Variants in PTPRD observed in about 807,000 individuals in gnomAD.
The protein encoded by PTPRD is protein tyrosine phosphatase receptor type D.
PTPRD carries 34 observed loss-of-function variants against 214.5 expected under a neutral mutation model. The observed-to-expected ratio is 0.16, with a 90% CI of 0.12 to 0.21. The LOEUF is 0.21. PTPRD is among the 10% of genes least tolerant of loss of function. The pLI is 1.00. For synonymous variants in PTPRD, 1,128 were observed against 845.7 expected, an observed-to-expected ratio of 1.33 and a Z score of -5.79; for missense variants, 2,545 against 2,398.7, an observed-to-expected ratio of 1.06 and a Z score of -1.27.
chr9:8,558,646 C>G (rs913263608), intron 14 of PTPRD, among the ~76,000 whole-genome samples: 1 of 152,184 alleles, frequency 6.6e-6, no homozygotes, highest in Non-Finnish European at 1.5e-5. Context: ...AGTCAACGGG[C>G]TTGGGCTATT....
chr9:9,808,903 T>C (rs2046271543), intron 5 of PTPRD, among the ~76,000 whole-genome samples: 1 of 152,028 alleles, frequency 6.6e-6, no homozygotes, highest in African/African-American at 2.4e-5. Flanking sequence ...CCTGAGCATC[T>C]AAGCCTAATG....
intron 11 of PTPRD, among the ~76,000 whole-genome samples, chr9:8,840,535 A>G (rs1453669621): frequency 3.3e-5 from 5 of 152,170 alleles, no homozygotes; most frequent in Non-Finnish European, 5.9e-5. Flanking sequence ...GGACTAATAC[A>G]ATATTTTCTT....
chr9:8,360,980 G>T (rs560419762), intron 39 of PTPRD, among the ~76,000 whole-genome samples: 1 of 152,242 alleles, frequency 6.6e-6, no homozygotes, highest in East Asian at 1.9e-4. Context: ...TATTGATGAG[G>T]TATCCCAAAT....
chr9:10,203,854 C>A (rs929159078), intron 3 of PTPRD, among the ~76,000 whole-genome samples: 1 of 152,042 alleles, frequency 6.6e-6, no homozygotes, highest in Non-Finnish European at 1.5e-5. Context: ...TTAGATCACA[C>A]CATGATTTTC....
rs536337715 is a variant in PTPRD, at chr9:8,969,463, G to C, written c.-104+49234C>G. Among the ~76,000 whole-genome samples, 6 of 152,086 alleles carry C rather than the reference G, an allele frequency of 3.9e-5. No homozygotes were observed. In the South Asian group the frequency reaches 1.2e-3, roughly 32 times the overall value. ...TTGTTTGTGTTATTGAAGAGTTAGA[G>C]CTTGCTAGGTAAATGTAATAGTTTC... On this transcript the variant is annotated intron_variant, in intron 11 of 45. Coordinates refer to ENST00000381196, the MANE Select transcript of PTPRD (RefSeq NM_002839.4).
intron 36 of PTPRD, among the ~76,000 whole-genome samples, chr9:8,401,745 G>A (rs1310965816): frequency 6.6e-6 from 1 of 152,118 alleles, no homozygotes; most frequent in Middle Eastern, 3.4e-3. Context: ...AATCACTGCG[G>A]CCACTTCCAG....
chr9:9,706,844 C>T (rs922975065), intron 7 of PTPRD, among the ~76,000 whole-genome samples: 2 of 151,748 alleles, frequency 1.3e-5, no homozygotes, highest in South Asian at 2.1e-4. Context: ...GGGAATGGGG[C>T]GAGGTAGGTA....
intron 7 of PTPRD, among the ~76,000 whole-genome samples, chr9:9,689,578 G>C (rs1234153859): frequency 6.6e-6 from 1 of 151,512 alleles, no homozygotes; most frequent in Non-Finnish European, 1.5e-5. Flanking sequence ...ATCGATACTA[G>C]GACTTATTTT....
chr9:9,327,807 C>T (rs576726523), intron 9 of PTPRD, among the ~76,000 whole-genome samples: 4 of 151,658 alleles, frequency 2.6e-5, no homozygotes, highest in Admixed American at 2.0e-4. Context: ...ATGTACATCA[C>T]GGGTGTCCAA....
chr9:10,470,119 G>A (rs1012099290), intron 2 of PTPRD, among the ~76,000 whole-genome samples: 8 of 152,030 alleles, frequency 5.3e-5, no homozygotes, highest in African/African-American at 1.9e-4. Flanking sequence ...AGAAGATATG[G>A]AATAGTCCCA....
chr9:10,132,794 G>C (rs551040343), intron 3 of PTPRD, among the ~76,000 whole-genome samples: 1 of 152,264 alleles, frequency 6.6e-6, no homozygotes, highest in Admixed American at 6.5e-5. Context: ...GCACATACAA[G>C]TGATATATTG....
intron 14 of PTPRD, among the ~76,000 whole-genome samples, chr9:8,560,440 TACACACACACACACAC>T (rs71317370): frequency 7.0e-6 from 1 of 143,336 alleles, no homozygotes; most frequent in Non-Finnish European, 1.5e-5. Context: ...AAAAAATACA[TACACACACACACACAC>T]ACACACACAC....
intron 6 of PTPRD, among the ~76,000 whole-genome samples, chr9:9,758,185 T>A (rs533289618): frequency 2.1e-5 from 1 of 48,078 alleles, no homozygotes; most frequent in Admixed American, 2.7e-4. Flanking sequence ...CTTAGCAGAC[T>A]TTTTTTTTTA....
chr9:8,857,382 C>T (rs545891747), intron 11 of PTPRD, among the ~76,000 whole-genome samples: 1 of 152,286 alleles, frequency 6.6e-6, no homozygotes, highest in East Asian at 1.9e-4. Context: ...CCGGACACCC[C>T]CATTCTCTAG....
chr9:10,414,212 A>G (rs781513425), intron 2 of PTPRD, among the ~76,000 whole-genome samples: 21 of 152,054 alleles, frequency 1.4e-4, no homozygotes, highest in Non-Finnish European at 2.6e-4. Context: ...CGTGTCTGAC[A>G]AAGGTCTAAC....
chr9:9,371,404 G>A (rs1043980696), intron 9 of PTPRD, among the ~76,000 whole-genome samples: 1 of 152,152 alleles, frequency 6.6e-6, no homozygotes, highest in African/African-American at 2.4e-5. Context: ...GTGCGTAGAG[G>A]TGTTTATAGT....
chr9:9,270,811 G>A (rs1396900704), intron 9 of PTPRD, among the ~76,000 whole-genome samples: 1 of 151,360 alleles, frequency 6.6e-6, no homozygotes, highest in African/African-American at 2.4e-5. Flanking sequence ...AAAAGGTGGA[G>A]AAAAGTTAAC....
At chr9:10,442,119 C>T (rs576354390) in intron 2 of PTPRD, among the ~76,000 whole-genome samples, 1 of 151,782 alleles carries the variant, frequency 6.6e-6, no homozygotes, top group South Asian at 2.1e-4. Context: ...TAGTCAAATA[C>T]ATTTGATTTG....
chr9:9,214,952 C>T (rs1430739925), intron 9 of PTPRD, among the ~76,000 whole-genome samples: 3 of 152,130 alleles, frequency 2.0e-5, no homozygotes, highest in Non-Finnish European at 4.4e-5. Context: ...TTGAACGAGC[C>T]CTTCTGGGTT....
Sources: gnomAD v4.1 joint callset for allele counts (sites outside exome capture counted in the v4.1 genomes callset) on GRCh38, gnomAD v4.1.1 for gene constraint, MANE v1.5 for transcripts, NCBI Gene and HGNC (gene_info 2026-07-23, HGNC 2026-07-21) for gene names.